DOCK9: variants seen among roughly 807,000 people sequenced by gnomAD.
DOCK9 encodes the protein dedicator of cytokinesis 9.
A neutral mutation model predicts 263.3 loss-of-function variants in DOCK9; 89 were observed. The observed-to-expected ratio is 0.34, with a 90% CI of 0.28 to 0.40. The LOEUF (loss-of-function observed/expected upper bound fraction) is 0.40, where lower values mean the gene tolerates loss of function less well. DOCK9 is among the 10% of genes least tolerant of loss of function. The pLI is 1.00. For synonymous variants in DOCK9, 976 were observed against 973.1 expected (o/e 1.00, Z -0.06); for missense variants, 2,140 against 2,603.4 (o/e 0.82, Z 3.87).
intron 2 of DOCK9, among the ~76,000 whole-genome samples, chr13:98,936,623 C>CAAAAAAAAAAAA (rs1189746396): frequency 4.2e-5 from 2 of 47,506 alleles, no homozygotes; most frequent in Non-Finnish European, 9.8e-5. Context: ...CTGTCTCAAA[C>CAAAAAAAAAAAA]AAAAAAAAAA....
rs2051239824 is a variant in DOCK9 at position 98,918,289 on chromosome 13, C to T, written c.717+2665G>A. On this transcript the variant is annotated intron_variant, in intron 7 of 52. Coordinates refer to ENST00000682017, the MANE Select transcript of DOCK9 (RefSeq NM_001366683.2). ...TGCTGAGTAGAAGACACTGACGAGA[C>T]CTGGGGAAGACCAAGGTGGCCAGAA... Among the ~76,000 whole-genome samples the T allele has an allele frequency of 2.0e-5, 3 of 152,154 alleles. No individual in the cohort carries two copies. The East Asian group carries it at 5.8e-4, about 29-fold the overall frequency.
At chr13:98,888,126 C>T (rs184311784) in intron 18 of DOCK9, 32 bp downstream of exon 18, 14 of 1,465,218 alleles carry the variant, frequency 9.6e-6, no homozygotes, top group African/African-American at 2.8e-5. Flanking sequence ...AATCAGAATT[C>T]GTAGGTGAAC....
intron 1 of DOCK9, among the ~76,000 whole-genome samples, chr13:99,049,699 G>A (rs865814867): frequency 5.9e-5 from 9 of 152,230 alleles, no homozygotes; most frequent in South Asian, 4.1e-4. Context: ...CAATTTTTTT[G>A]TAGAGACAGG....
chr13:98,838,638 A>G (rs2093098739), intron 38 of DOCK9, among the ~76,000 whole-genome samples: 1 of 152,260 alleles, frequency 6.6e-6, no homozygotes, highest in Non-Finnish European at 1.5e-5. Context: ...AATTTGACAT[A>G]CAAGTTGAGA....
chr13:98,815,359 G>A (rs1318431904), intron 45 of DOCK9, among the ~76,000 whole-genome samples: 4 of 152,156 alleles, frequency 2.6e-5, no homozygotes, highest in African/African-American at 9.7e-5. Flanking sequence ...ACCATCAAGG[G>A]CATGGAACTT....
intron 1 of DOCK9, among the ~76,000 whole-genome samples, chr13:99,057,400 A>T (rs566462989): frequency 8.5e-5 from 13 of 152,136 alleles, no homozygotes; most frequent in Admixed American, 1.3e-4. Flanking sequence ...CTTAAATCTT[A>T]ATTTTGAGAC....
intron 2 of DOCK9, among the ~76,000 whole-genome samples, chr13:98,949,352 C>T (rs1191667558): frequency 2.0e-5 from 3 of 152,226 alleles, no homozygotes; most frequent in Non-Finnish European, 4.4e-5. Context: ...AATTATGCCC[C>T]TGGGCTTGGT....
intron 32 of DOCK9, among the ~76,000 whole-genome samples, chr13:98,861,206 C>T (rs1249679755): frequency 6.6e-6 from 1 of 152,078 alleles, no homozygotes; most frequent in Non-Finnish European, 1.5e-5. Context: ...GAGTTCATGC[C>T]CTTTAGAGCA....
intron 1 of DOCK9, among the ~76,000 whole-genome samples, chr13:98,983,623 A>AT (rs71213702): frequency 4.5e-4 from 58 of 128,690 alleles, no homozygotes; most frequent in Middle Eastern, 8.3e-3. Flanking sequence ...TATTATTATT[A>AT]TTTTTTTTTT....
chr13:98,893,621 T>A (rs1399574402), intron 15 of DOCK9, among the ~76,000 whole-genome samples: 2 of 152,102 alleles, frequency 1.3e-5, no homozygotes, highest in Non-Finnish European at 2.9e-5. Flanking sequence ...CGTGAAGAAA[T>A]TTTTTTCATG....
intron 30 of DOCK9, among the ~76,000 whole-genome samples, chr13:98,865,940 T>C (rs2142023615): frequency 6.9e-6 from 1 of 145,388 alleles, no homozygotes; most frequent in South Asian, 2.3e-4. Flanking sequence ...GAGCTGGGAG[T>C]TGGCAGGGAT....
chr13:99,028,184 G>A (rs918330427), intron 1 of DOCK9, among the ~76,000 whole-genome samples: 3 of 152,212 alleles, frequency 2.0e-5, no homozygotes, highest in Non-Finnish European at 4.4e-5. Context: ...TGAACTGGAA[G>A]GTGAGACTGC....
At chr13:98,910,085 G>A (rs1487201617) in intron 9 of DOCK9, among the ~76,000 whole-genome samples, 1 of 152,184 alleles carries the variant, frequency 6.6e-6, no homozygotes, top group Non-Finnish European at 1.5e-5. Context: ...AAACAGAAAA[G>A]CTGTGGAAGA....
intron 1 of DOCK9, among the ~76,000 whole-genome samples, chr13:99,059,949 C>A (rs1263818119): frequency 6.6e-6 from 1 of 151,250 alleles, no homozygotes; most frequent in Non-Finnish European, 1.5e-5. Context: ...ATAATGTTAT[C>A]AAGATTCATC....
At chr13:98,828,036 T>A (rs1057493635) in intron 43 of DOCK9, among the ~76,000 whole-genome samples, 1 of 152,040 alleles carries the variant, frequency 6.6e-6, no homozygotes, top group South Asian at 2.1e-4. Flanking sequence ...ACTGGTGTCA[T>A]AGACATATGG....
intron 1 of DOCK9, among the ~76,000 whole-genome samples, chr13:99,055,081 A>G (rs9517573): frequency 0.64 from 96,747 of 152,084 alleles, 31,290 homozygotes; most frequent in East Asian, 0.9. Flanking sequence ...TTGAATGAAC[A>G]TATGAATGAA....
In DOCK9 at chr13:98,856,026, G is replaced by C; in HGVS notation, c.3703C>G (p.Pro1235Ala). ...LLGAISGIAS[P>A]YTTSTPNINS... ...ATGTTTGGAGTTGAGGTTGTATATG[G>C]AGAAGCTAAATGGAAATCAAGCCAA... is the stretch of plus-strand genomic sequence containing the variant. The change falls in exon 34 of 53, where the codon CCA (proline) becomes GCA (alanine). Residue 1235 changes from proline (P) to alanine (A), a missense_variant. By Grantham distance (27) the Pro-to-Ala change is conservative. This residue lies in a region of DOCK9 where 1,521 missense variants were observed against 1,741.7 expected (regional missense o/e 0.87). Transcript: ENST00000682017. 6.2e-7 allele frequency: 1 copy of C among 1,613,668 alleles called. No individual in the cohort carries two copies. Among genetic ancestry groups the C allele is most frequent in the Non-Finnish European group, 8.5e-7 (1 of 1,179,750 alleles).
intron 13 of DOCK9, among the ~76,000 whole-genome samples, chr13:98,900,051 A>G (rs2048039318): frequency 6.6e-6 from 1 of 152,242 alleles, no homozygotes; most frequent in Non-Finnish European, 1.5e-5. Context: ...ATCTCTGCCA[A>G]AACTGTGCTA....
intron 23 of DOCK9, 55 bp from the exon 24 acceptor site, chr13:98,882,062 A>C (rs2044862044): frequency 2.9e-6 from 4 of 1,395,856 alleles, no homozygotes; most frequent in Non-Finnish European, 3.0e-6. Flanking sequence ...AAACCAGCCT[A>C]AAGTAACTTC....
Sources: allele counts gnomAD v4.1 joint callset (sites outside exome capture counted in the v4.1 genomes callset), GRCh38; gene constraint gnomAD v4.1.1; regional missense constraint gnomAD v4.1.1; transcripts MANE v1.5; gene names NCBI Gene and HGNC (gene_info 2026-07-23, HGNC 2026-07-21).